Variants in B3GALT1 observed in about 807,000 individuals in gnomAD.
The protein encoded by B3GALT1 is beta-1,3-galactosyltransferase 1, also known as UDP-Gal:betaGlcNAc beta 1,3-galactosyltransferase, polypeptide 1.
In B3GALT1, 10 loss-of-function variants were observed where a neutral mutation model predicts 23.2. That is an observed-to-expected ratio of 0.43 (90% confidence interval 0.27 to 0.73). The LOEUF (loss-of-function observed/expected upper bound fraction) is 0.73, where lower values mean the gene tolerates loss of function less well. Among genes scored for constraint, B3GALT1 ranks in the 30% least tolerant of loss-of-function variants. B3GALT1 has a pLI of 0.21. For missense variants in B3GALT1, 299 were observed against 405.4 expected, an observed-to-expected ratio of 0.74 and a Z score of 2.25; for synonymous variants, 156 against 141.5, an observed-to-expected ratio of 1.10 and a Z score of -0.73.
In B3GALT1 at chr2:167,427,123, A is replaced by G. The variant is rs75853893; in HGVS notation, c.-510-63054A>G. Among the ~76,000 whole-genome samples, 723 of 152,330 alleles carry G rather than the reference A, an allele frequency of 4.7e-3. 6 individuals are homozygous for G. Among genetic ancestry groups the G allele is most frequent in the East Asian group, 0.018 (94 of 5,186 alleles). On this transcript the variant is annotated intron_variant, in intron 1 of 4. Coordinates refer to ENST00000392690, the MANE Select transcript of B3GALT1 (RefSeq NM_020981.4). ...CACACAATATGATTTAATTTATCCA[A>G]AGCTCACAAATAGGCAAAACTAAAC...
chr2:167,718,860 A>G (rs1290253233), intron 3 of B3GALT1, among the ~76,000 whole-genome samples: 2 of 152,180 alleles, frequency 1.3e-5, no homozygotes, highest in African/African-American at 2.4e-5. Context: ...AATAAGTTTT[A>G]TGGCCTGCTT....
intron 1 of B3GALT1, among the ~76,000 whole-genome samples, chr2:167,384,362 G>GA (rs1559081253): frequency 6.6e-6 from 1 of 152,068 alleles, no homozygotes; most frequent in Non-Finnish European, 1.5e-5. Context: ...TCTTTTCCCT[G>GA]AAAAAACTAA....
intron 2 of B3GALT1, among the ~76,000 whole-genome samples, chr2:167,617,167 A>G (rs981306672): frequency 3.3e-5 from 5 of 152,030 alleles, no homozygotes; most frequent in African/African-American, 1.2e-4. Context: ...TTAAAGCCTC[A>G]TGGTCATAAG....
chr2:167,484,662 A>G (rs193283547), intron 1 of B3GALT1, among the ~76,000 whole-genome samples: 2 of 152,310 alleles, frequency 1.3e-5, no homozygotes, highest in African/African-American at 2.4e-5. Flanking sequence ...CCAAGGTTCT[A>G]TTATGTAGAT....
At chr2:167,462,584 A>G (rs1311871788) in intron 1 of B3GALT1, among the ~76,000 whole-genome samples, 1 of 152,068 alleles carries the variant, frequency 6.6e-6, no homozygotes, top group East Asian at 1.9e-4. Context: ...AGTATACCCG[A>G]TGAATTGGAT....
chr2:167,777,536 C>T (rs1462839640), intron 3 of B3GALT1, among the ~76,000 whole-genome samples: 6 of 152,050 alleles, frequency 3.9e-5, no homozygotes, highest in African/African-American at 1.2e-4. Flanking sequence ...TCAGTAGAGA[C>T]GTGGTTTCGC....
intron 2 of B3GALT1, among the ~76,000 whole-genome samples, chr2:167,513,011 G>A (rs1186946338): frequency 1.4e-5 from 2 of 143,144 alleles, no homozygotes; most frequent in Non-Finnish European, 1.5e-5. Flanking sequence ...TTTACATTCA[G>A]TGAGACAATT....
chr2:167,313,690 CA>C (rs1279652707), intron 1 of B3GALT1, among the ~76,000 whole-genome samples: 1 of 152,094 alleles, frequency 6.6e-6, no homozygotes, highest in Non-Finnish European at 1.5e-5. Flanking sequence ...GACTGTCTAT[CA>C]GTGCAAGGTG....
At chr2:167,564,118 C>T (rs1429210394) in intron 2 of B3GALT1, among the ~76,000 whole-genome samples, 3 of 151,042 alleles carry the variant, frequency 2.0e-5, no homozygotes, top group Non-Finnish European at 4.4e-5. Context: ...GGGCGGCTGC[C>T]TGGCGGAGGG....
intron 4 of B3GALT1, among the ~76,000 whole-genome samples, chr2:167,846,538 GACAA>G (rs777158381): frequency 3.9e-5 from 6 of 152,106 alleles, no homozygotes; most frequent in Non-Finnish European, 7.4e-5. Context: ...GTCTTTTTCA[GACAA>G]ACAAATGATA....
intron 1 of B3GALT1, among the ~76,000 whole-genome samples, chr2:167,379,833 A>G (rs1187503216): frequency 6.6e-6 from 1 of 152,204 alleles, no homozygotes; most frequent in Non-Finnish European, 1.5e-5. Context: ...AGAGCTAGGA[A>G]ATCACCTTGT....
chr2:167,634,100 C>A (rs1359792972), intron 2 of B3GALT1, among the ~76,000 whole-genome samples: 2 of 151,066 alleles, frequency 1.3e-5, no homozygotes, highest in African/African-American at 4.8e-5. Context: ...TGACTACTGG[C>A]TAAATAAATA....
chr2:167,414,642 T>C (rs1038182675), intron 1 of B3GALT1, among the ~76,000 whole-genome samples: 6 of 152,208 alleles, frequency 3.9e-5, no homozygotes, highest in South Asian at 2.1e-4. Flanking sequence ...AGATGAGTTA[T>C]ATTAAAGACA....
intron 3 of B3GALT1, chr2:167,713,729 T>C (rs1687098232): frequency 6.4e-7 from 1 of 1,558,570 alleles, no homozygotes; most frequent in Non-Finnish European, 8.8e-7. Flanking sequence ...CAAGGGAACT[T>C]GCTTCTACCT....
At chr2:167,666,767 T>C (rs192958019) in intron 3 of B3GALT1, among the ~76,000 whole-genome samples, 43 of 152,328 alleles carry the variant, frequency 2.8e-4, no homozygotes, top group African/African-American at 8.9e-4. Context: ...AGACTAGGTT[T>C]GCAACCCCTG....
intron 1 of B3GALT1, among the ~76,000 whole-genome samples, chr2:167,355,386 G>A (rs10171776): frequency 0.048 from 7,259 of 152,314 alleles, 533 homozygotes; most frequent in African/African-American, 0.16. Context: ...GGTGGGCCCA[G>A]TGCTTTCATA....
At chr2:167,864,024 GTGTA>G (rs1405093645) in intron 4 of B3GALT1, among the ~76,000 whole-genome samples, 1 of 148,750 alleles carries the variant, frequency 6.7e-6, no homozygotes, top group African/African-American at 2.4e-5. Context: ...GTGTGTGTGT[GTGTA>G]TGTTTCAGGT....
chr2:167,499,529 C>T (rs1390072790), intron 2 of B3GALT1, among the ~76,000 whole-genome samples: 3 of 152,142 alleles, frequency 2.0e-5, no homozygotes, highest in Non-Finnish European at 2.9e-5. Flanking sequence ...AATTGAATTT[C>T]TATATTTGAT....
intron 1 of B3GALT1, among the ~76,000 whole-genome samples, chr2:167,438,680 C>T (rs1239662280): frequency 1.3e-5 from 2 of 152,190 alleles, no homozygotes; most frequent in Admixed American, 6.5e-5. Context: ...AACAAGTATT[C>T]TTCAGGGGCC....
Sources: gnomAD v4.1 joint callset for allele counts (sites outside exome capture counted in the v4.1 genomes callset) on GRCh38, gnomAD v4.1.1 for gene constraint, MANE v1.5 for transcripts, NCBI Gene and HGNC (gene_info 2026-07-23, HGNC 2026-07-21) for gene names.